The following GRIK2 variants were observed in gnomAD, a reference collection of about 807,000 sequenced individuals.
GRIK2 encodes the protein glutamate ionotropic receptor kainate type subunit 2.
A neutral mutation model predicts 100.3 loss-of-function variants in GRIK2; 32 were observed. The ratio of observed to expected loss-of-function variants is 0.32; its 90% CI spans 0.24 to 0.43. The LOEUF (loss-of-function observed/expected upper bound fraction) is 0.43, where lower values mean the gene tolerates loss of function less well. Among genes scored for constraint, GRIK2 ranks in the 20% least tolerant of loss-of-function variants. The pLI is 1.00. For missense variants in GRIK2, 843 were observed against 1,114.9 expected, an observed-to-expected ratio of 0.76 and a Z score of 3.47; for synonymous variants, 417 against 389.4, an observed-to-expected ratio of 1.07 and a Z score of -0.83.
intron 11 of GRIK2, among the ~76,000 whole-genome samples, chr6:101,864,621 TACTC>T (rs1784937478): frequency 1.3e-5 from 2 of 152,126 alleles, no homozygotes; most frequent in Non-Finnish European, 2.9e-5. Flanking sequence ...AAATAGGAAA[TACTC>T]AAGAAAAGTA....
At chr6:101,525,256 T>G (rs1024639283) in intron 2 of GRIK2, among the ~76,000 whole-genome samples, 6 of 152,198 alleles carry the variant, frequency 3.9e-5, no homozygotes, top group Non-Finnish European at 7.3e-5. Context: ...ACATATTCAA[T>G]TACACAAAAA....
chr6:101,403,730 G>A (rs1009561613), intron 2 of GRIK2, among the ~76,000 whole-genome samples: 1 of 152,050 alleles, frequency 6.6e-6, no homozygotes, highest in Non-Finnish European at 1.5e-5. Context: ...AGGTGGGCGG[G>A]AGGGAGGAGT....
At position 101,968,247 on chromosome 6, in the gene GRIK2, A is replaced by G. The variant is rs539007906; in HGVS notation, c.2085+39615A>G. 3.9e-5 allele frequency among the ~76,000 whole-genome samples: 6 copies of G among 152,240 alleles called. No individual in the cohort carries two copies. In the East Asian group the frequency reaches 1.2e-3, roughly 29 times the overall value. On this transcript the variant is annotated intron_variant, in intron 14 of 16. Transcript: ENST00000369134. ...ATTTTAAGGACATAAACACATAGGT[A>G]CACACAATCAGGAATGCTGAAATGC...
intron 14 of GRIK2, among the ~76,000 whole-genome samples, chr6:101,968,661 G>T (rs982760593): frequency 2.6e-5 from 4 of 151,720 alleles, no homozygotes; most frequent in Non-Finnish European, 5.9e-5. Context: ...CTTTATGTTC[G>T]CCTTATCTTC....
At chr6:101,896,582 A>T (rs528308252) in intron 12 of GRIK2, among the ~76,000 whole-genome samples, 1 of 151,876 alleles carries the variant, frequency 6.6e-6, no homozygotes, top group South Asian at 2.1e-4. Context: ...ATTAAGTATA[A>T]ACGCAAGAGC....
chr6:101,546,321 C>A (rs1378630181), intron 2 of GRIK2, among the ~76,000 whole-genome samples: 1 of 152,186 alleles, frequency 6.6e-6, no homozygotes, highest in Non-Finnish European at 1.5e-5. Flanking sequence ...ATTTTAAGCA[C>A]TGCTTAATAA....
intron 2 of GRIK2, among the ~76,000 whole-genome samples, chr6:101,615,595 G>A (rs1385088499): frequency 1.3e-5 from 2 of 151,696 alleles, no homozygotes; most frequent in Admixed American, 6.6e-5. Context: ...TCTCAGGAGA[G>A]CAATTATCTC....
At chr6:101,612,104 G>A (rs1043654245) in intron 2 of GRIK2, among the ~76,000 whole-genome samples, 11 of 151,828 alleles carry the variant, frequency 7.2e-5, no homozygotes, top group Non-Finnish European at 1.3e-4. Flanking sequence ...GAGGTCCCTC[G>A]TGTCTTAATC....
At chr6:101,744,061 G>A (rs1368930848) in intron 7 of GRIK2, among the ~76,000 whole-genome samples, 1 of 152,016 alleles carries the variant, frequency 6.6e-6, no homozygotes, top group African/African-American at 2.4e-5. Context: ...TCCTGCTTCA[G>A]CCTCCTGAGT....
chr6:101,795,612 G>A (rs1187829730), intron 7 of GRIK2, among the ~76,000 whole-genome samples: 1 of 152,232 alleles, frequency 6.6e-6, no homozygotes, highest in Non-Finnish European at 1.5e-5. Context: ...AATAGCAGTA[G>A]TGATGGTGGG....
At chr6:101,633,230 C>T (rs1320500977) in intron 4 of GRIK2, among the ~76,000 whole-genome samples, 1 of 152,070 alleles carries the variant, frequency 6.6e-6, no homozygotes, top group Non-Finnish European at 1.5e-5. Flanking sequence ...TTTCAAACCA[C>T]CATGGAATGC....
intron 2 of GRIK2, among the ~76,000 whole-genome samples, chr6:101,488,988 T>C (rs1167641159): frequency 6.8e-6 from 1 of 146,692 alleles, no homozygotes; most frequent in Non-Finnish European, 1.5e-5. Context: ...AATTCAATTC[T>C]GGTTAAAATA....
At chr6:101,597,172 A>T (rs1778966831) in intron 2 of GRIK2, among the ~76,000 whole-genome samples, 1 of 151,790 alleles carries the variant, frequency 6.6e-6, no homozygotes, top group Non-Finnish European at 1.5e-5. Context: ...TTATAAGTGG[A>T]TGCTAAATAT....
At chr6:101,664,617 C>CT (rs930133368) in intron 4 of GRIK2, among the ~76,000 whole-genome samples, 2 of 152,180 alleles carry the variant, frequency 1.3e-5, no homozygotes, top group Admixed American at 6.5e-5. Context: ...GGCATAATTG[C>CT]TTTTTTTCAT....
chr6:101,681,843 T>C (rs1382091215), intron 5 of GRIK2, among the ~76,000 whole-genome samples: 1 of 152,146 alleles, frequency 6.6e-6, no homozygotes, highest in Non-Finnish European at 1.5e-5. Flanking sequence ...CCAACTGCTG[T>C]TCATTGATAA....
At chr6:101,792,981 T>G (rs891081748) in intron 7 of GRIK2, among the ~76,000 whole-genome samples, 1 of 152,180 alleles carries the variant, frequency 6.6e-6, no homozygotes, top group Non-Finnish European at 1.5e-5. Flanking sequence ...CTGATACCCT[T>G]TCTTCCAGTT....
At chr6:101,781,554 T>C (rs969870647) in intron 7 of GRIK2, among the ~76,000 whole-genome samples, 2 of 152,166 alleles carry the variant, frequency 1.3e-5, no homozygotes, top group African/African-American at 4.8e-5. Context: ...CATATACACA[T>C]ATGCATACAT....
intron 4 of GRIK2, among the ~76,000 whole-genome samples, chr6:101,629,947 A>T (rs781083131): frequency 8.5e-5 from 13 of 152,086 alleles, no homozygotes; most frequent in Non-Finnish European, 1.5e-4. Context: ...GCTCCTACTT[A>T]TAAATAAGAA....
At chr6:101,624,564 T>C (rs898162897) in intron 3 of GRIK2, among the ~76,000 whole-genome samples, 1 of 152,142 alleles carries the variant, frequency 6.6e-6, no homozygotes, top group Non-Finnish European at 1.5e-5. Flanking sequence ...TGAGGGAAAA[T>C]AGCAGAAATT....
Sources: gnomAD v4.1 joint callset for allele counts (sites outside exome capture counted in the v4.1 genomes callset) on GRCh38, gnomAD v4.1.1 for gene constraint, MANE v1.5 for transcripts, NCBI Gene and HGNC (gene_info 2026-07-23, HGNC 2026-07-21) for gene names.